The following NYAP2 variants were observed in gnomAD, a reference collection of about 807,000 sequenced individuals.
NYAP2 encodes neuronal tyrosine-phosphorylated phosphoinositide-3-kinase adaptor 2.
In NYAP2, 23 loss-of-function variants were observed where a neutral mutation model predicts 50.4. The observed-to-expected ratio is 0.46, with a 90% confidence interval of 0.33 to 0.65. The LOEUF is 0.65. Among genes scored for constraint, NYAP2 ranks in the 30% least tolerant of loss-of-function variants. The pLI, the probability that NYAP2 is intolerant of heterozygous loss-of-function variation, is 0.02. For missense variants in NYAP2, 885 were observed against 861.0 expected, an observed-to-expected ratio of 1.03 and a Z score of -0.35; for synonymous variants, 394 against 365.2, an observed-to-expected ratio of 1.08 and a Z score of -0.90.
At chr2:225,533,463 G>A (rs959462180) in intron 4 of NYAP2, among the ~76,000 whole-genome samples, 6 of 152,184 alleles carry the variant, frequency 3.9e-5, no homozygotes, top group Non-Finnish European at 7.3e-5. Flanking sequence ...AAGGCGGGTG[G>A]AGTGCTTGAG....
intron 3 of NYAP2, among the ~76,000 whole-genome samples, chr2:225,423,304 A>G (rs1396609498): frequency 6.6e-6 from 1 of 152,218 alleles, no homozygotes; most frequent in East Asian, 1.9e-4. Flanking sequence ...TTCTATTTCA[A>G]TGTGACTTAG....
At chr2:225,674,777 G>A in the NYAP2 span, among the ~76,000 whole-genome samples, 1 of 152,122 alleles carries the variant, frequency 6.6e-6, no homozygotes, top group East Asian at 1.9e-4. Context: ...TGAGGGAACA[G>A]GAGGTTAAAT....
intron 3 of NYAP2, among the ~76,000 whole-genome samples, chr2:225,500,676 C>T (rs960320644): frequency 7.9e-5 from 12 of 152,218 alleles, no homozygotes; most frequent in East Asian, 1.9e-4. Context: ...TTGGGAAGGG[C>T]GAATGCTGTA....
At chr2:225,465,988 G>A (rs1395116040) in intron 3 of NYAP2, among the ~76,000 whole-genome samples, 1 of 152,082 alleles carries the variant, frequency 6.6e-6, no homozygotes, top group Non-Finnish European at 1.5e-5. Flanking sequence ...GGCCTATTAA[G>A]GCTCACCTAC....
intron 3 of NYAP2, among the ~76,000 whole-genome samples, chr2:225,420,819 C>T (rs564410258): frequency 7.9e-5 from 12 of 152,046 alleles, no homozygotes; most frequent in African/African-American, 2.7e-4. Context: ...ATACAGTCAT[C>T]GTAACTCTGA....
At chr2:225,534,855 G>C (rs1691319625) in intron 4 of NYAP2, among the ~76,000 whole-genome samples, 1 of 152,232 alleles carries the variant, frequency 6.6e-6, no homozygotes, top group Non-Finnish European at 1.5e-5. Context: ...AGTCAGAGTA[G>C]CCTCTGGCCC....
At chr2:225,568,439 C>T (rs1692001142) in intron 4 of NYAP2, among the ~76,000 whole-genome samples, 1 of 152,134 alleles carries the variant, frequency 6.6e-6, no homozygotes, top group Non-Finnish European at 1.5e-5. Context: ...CATCATCCTG[C>T]TTCTTCAAGA....
intron 3 of NYAP2, among the ~76,000 whole-genome samples, chr2:225,433,476 C>T (rs935006826): frequency 6.6e-6 from 1 of 151,102 alleles, no homozygotes; most frequent in Non-Finnish European, 1.5e-5. Flanking sequence ...ATAAATTAAA[C>T]AAGAAATGTA....
intron 3 of NYAP2, among the ~76,000 whole-genome samples, chr2:225,454,584 A>T (rs1689706507): frequency 6.6e-6 from 1 of 152,164 alleles, no homozygotes; most frequent in Non-Finnish European, 1.5e-5. Context: ...GCACAGCAGG[A>T]GGTGAGTGGC....
chr2:225,674,266 G>A, the NYAP2 span, among the ~76,000 whole-genome samples: 6 of 152,198 alleles, frequency 3.9e-5, no homozygotes, highest in Admixed American at 3.9e-4. Flanking sequence ...ATTTGGAGTT[G>A]GGGGTTAAAA....
At chr2:225,612,670 C>A (rs778487388) in intron 5 of NYAP2, among the ~76,000 whole-genome samples, 1 of 152,084 alleles carries the variant, frequency 6.6e-6, no homozygotes, top group Non-Finnish European at 1.5e-5. Flanking sequence ...TTGCTGTATC[C>A]TCACATGGCA....
chr2:225,544,631 T>G (rs1293574119), intron 4 of NYAP2, among the ~76,000 whole-genome samples: 1 of 152,156 alleles, frequency 6.6e-6, no homozygotes, highest in African/African-American at 2.4e-5. Context: ...TGTCTTGTTG[T>G]ACCGTCTATG....
At chr2:225,572,995 C>G (rs1237734847) in intron 4 of NYAP2, among the ~76,000 whole-genome samples, 1 of 152,120 alleles carries the variant, frequency 6.6e-6, no homozygotes, top group East Asian at 1.9e-4. Context: ...TCTATCTCCT[C>G]TCTGAATCAT....
intron 3 of NYAP2, among the ~76,000 whole-genome samples, chr2:225,425,583 C>G (rs899793285): frequency 1.3e-5 from 2 of 152,154 alleles, no homozygotes; most frequent in Non-Finnish European, 1.5e-5. Flanking sequence ...ATTAAAGAGG[C>G]CTTTCTATTG....
At chr2:225,609,921 T>G (rs1692850131) in intron 5 of NYAP2, among the ~76,000 whole-genome samples, 1 of 152,140 alleles carries the variant, frequency 6.6e-6, no homozygotes, top group Non-Finnish European at 1.5e-5. Flanking sequence ...TAAATTCAGA[T>G]AAATTGGGAA....
At chr2:225,413,586 A>T (rs971280180) in intron 3 of NYAP2, among the ~76,000 whole-genome samples, 2 of 152,182 alleles carry the variant, frequency 1.3e-5, no homozygotes, top group East Asian at 1.9e-4. Context: ...GTTCTTAATT[A>T]AAAAAATGTG....
At chr2:225,668,673 A>G in the NYAP2 span, among the ~76,000 whole-genome samples, 1 of 152,176 alleles carries the variant, frequency 6.6e-6, no homozygotes, top group South Asian at 2.1e-4. Flanking sequence ...TTCACAGAGT[A>G]ATGGCAGATC....
intron 3 of NYAP2, among the ~76,000 whole-genome samples, chr2:225,509,876 G>C (rs978083108): frequency 5.9e-5 from 9 of 152,184 alleles, no homozygotes; most frequent in African/African-American, 1.9e-4. Flanking sequence ...CAAGGAATAT[G>C]CATCCCCATA....
At chr2:225,441,869 C>G (rs966547486) in intron 3 of NYAP2, among the ~76,000 whole-genome samples, 5 of 152,160 alleles carry the variant, frequency 3.3e-5, no homozygotes, top group Non-Finnish European at 5.9e-5. Context: ...GTTTCCTCAT[C>G]TATAAATTGG....
Sources: allele counts gnomAD v4.1 joint callset (sites outside exome capture counted in the v4.1 genomes callset), GRCh38; gene constraint gnomAD v4.1.1; transcripts MANE v1.5; gene names NCBI Gene and HGNC (gene_info 2026-07-23, HGNC 2026-07-21).